Variants in TTC28 observed in about 807,000 individuals in gnomAD.
The protein encoded by TTC28 is tetratricopeptide repeat domain 28.
TTC28 carries 61 observed loss-of-function variants against 198.0 expected under a neutral mutation model. That is an observed-to-expected ratio of 0.31 (90% CI 0.25 to 0.38). TTC28 has a LOEUF of 0.38. Ranked by LOEUF, TTC28 falls within the 10% of genes least tolerant of loss-of-function variation. The pLI is 1.00. For synonymous variants in TTC28, 1,171 were observed against 1,297.8 expected, an observed-to-expected ratio of 0.90 and a Z score of 2.10; for missense variants, 2,678 against 3,164.0, an observed-to-expected ratio of 0.85 and a Z score of 3.69.
chr22:28,436,950 C>A (rs2047529218), intron 2 of TTC28, among the ~76,000 whole-genome samples: 1 of 152,224 alleles, frequency 6.6e-6, no homozygotes. Context: ...CAATACGCCA[C>A]AACACACTGA....
intron 2 of TTC28, among the ~76,000 whole-genome samples, chr22:28,343,529 C>CAAA (rs35941888): frequency 8.9e-5 from 12 of 134,804 alleles, no homozygotes; most frequent in Non-Finnish European, 1.4e-4. Flanking sequence ...GACTCTGTCT[C>CAAA]AAAAAAAAAA....
chr22:28,178,371 G>A lies in TTC28; in HGVS notation c.934-14772C>T, dbSNP rs574305346. On this transcript the variant is annotated intron_variant, in intron 5 of 22. Transcript: ENST00000397906. ...AATCCCAGCTACTCAGGAGGCTGAA[G>A]CAGAATAATCACTTGAATCTGGGAG... is the stretch of plus-strand genomic sequence containing the variant. Among the ~76,000 whole-genome samples, 5 of 152,066 alleles carry A rather than the reference G, an allele frequency of 3.3e-5. No homozygotes were observed. The South Asian group carries it at 1.0e-3, about 32-fold the overall frequency.
chr22:28,557,494 A>G (rs1335908629), intron 2 of TTC28, among the ~76,000 whole-genome samples: 1 of 152,210 alleles, frequency 6.6e-6, no homozygotes, highest in East Asian at 1.9e-4. Flanking sequence ...TCATGTACAG[A>G]CATTCTATTT....
chr22:28,056,044 AT>A (rs1940274588), intron 12 of TTC28: 1 of 152,110 alleles, frequency 6.6e-6, no homozygotes, highest in African/African-American at 2.4e-5. Flanking sequence ...TGTTTTATAT[AT>A]TTTCCCAAAA....
At chr22:28,589,666 T>C (rs1238468020) in intron 2 of TTC28, among the ~76,000 whole-genome samples, 1 of 152,180 alleles carries the variant, frequency 6.6e-6, no homozygotes. Flanking sequence ...TCACTCAAGA[T>C]TGTTATATGT....
chr22:28,357,255 T>C (rs1411591848), intron 2 of TTC28, among the ~76,000 whole-genome samples: 1 of 152,044 alleles, frequency 6.6e-6, no homozygotes, highest in Admixed American at 6.6e-5. Flanking sequence ...ATAGTGACCA[T>C]TTCTCTACAT....
At chr22:28,247,962 G>A (rs1288633176) in intron 5 of TTC28, among the ~76,000 whole-genome samples, 1 of 152,132 alleles carries the variant, frequency 6.6e-6, no homozygotes, top group Non-Finnish European at 1.5e-5. Flanking sequence ...CCTTTTAGAA[G>A]CAGCTAGTAA....
chr22:28,033,612 C>T (rs1291145612), intron 12 of TTC28, among the ~76,000 whole-genome samples: 1 of 152,220 alleles, frequency 6.6e-6, no homozygotes, highest in Non-Finnish European at 1.5e-5. Flanking sequence ...CTAGAGTTAA[C>T]AATTCTTTAT....
At chr22:28,317,236 C>T (rs1259005547) in intron 2 of TTC28, among the ~76,000 whole-genome samples, 1 of 151,982 alleles carries the variant, frequency 6.6e-6, no homozygotes, top group Non-Finnish European at 1.5e-5. Flanking sequence ...ATAATTTTAA[C>T]CTTTATGTCA....
At position 27,999,242 on chromosome 22, in the gene TTC28, G is replaced by A. The variant is rs1459964718; in HGVS notation, c.4417C>T (p.Pro1473Ser). 1.9e-6 allele frequency: 3 copies of A among 1,549,928 alleles called. No homozygotes were observed. In the African/African-American group the frequency reaches 4.1e-5, roughly 21 times the overall value. Residue 1473 changes from proline to serine, a missense_variant, in exon 16 of 23, where the codon CCG becomes TCG. Pro to Ser is a moderately conservative substitution (Grantham distance 74). Around this residue, in one of 8 missense-constraint regions of TTC28, gnomAD observed 727 missense variants for 861.9 expected, o/e 0.84. Coordinates refer to ENST00000397906, the MANE Select transcript of TTC28 (RefSeq NM_001145418.2). ...VQSKSHLRKN[P>S]PTYSSSTSMA... ...GATGTGGAGCTGGAGTATGTGGGCGGGTTCTTCCGTAAGTGAGACTAGGAG... is the reference window on the plus strand; with the variant it reads ...GATGTGGAGCTGGAGTATGTGGGCGAGTTCTTCCGTAAGTGAGACTAGGAG...
intron 1 of TTC28, among the ~76,000 whole-genome samples, chr22:28,641,816 T>A (rs2051370303): frequency 6.6e-6 from 1 of 152,046 alleles, no homozygotes. Flanking sequence ...AAAGAGTAAA[T>A]ATATGAGTAA....
chr22:28,425,470 A>G (rs2047336265), intron 2 of TTC28, among the ~76,000 whole-genome samples: 1 of 152,228 alleles, frequency 6.6e-6, no homozygotes, highest in African/African-American at 2.4e-5. Flanking sequence ...GGCAGAAACC[A>G]ATATAAACAA....
At chr22:28,675,581 A>G (rs2051969385) in intron 1 of TTC28, among the ~76,000 whole-genome samples, 1 of 150,590 alleles carries the variant, frequency 6.6e-6, no homozygotes, top group South Asian at 2.1e-4. Context: ...GCAAAACTCC[A>G]TCTCTACAGA....
At chr22:28,159,228 T>C (rs1039640949) in intron 6 of TTC28, among the ~76,000 whole-genome samples, 1 of 152,210 alleles carries the variant, frequency 6.6e-6, no homozygotes, top group African/African-American at 2.4e-5. Flanking sequence ...AAGTGGCTTA[T>C]ATCCAAAGGA....
intron 2 of TTC28, among the ~76,000 whole-genome samples, chr22:28,330,035 T>G (rs2045591047): frequency 6.6e-6 from 1 of 152,216 alleles, no homozygotes; most frequent in African/African-American, 2.4e-5. Flanking sequence ...ACAGTAGTCC[T>G]ACTGGTGATG....
At chr22:28,346,482 A>G (rs2045904198) in intron 2 of TTC28, among the ~76,000 whole-genome samples, 1 of 152,210 alleles carries the variant, frequency 6.6e-6, no homozygotes, top group Non-Finnish European at 1.5e-5. Flanking sequence ...AACTCTCACT[A>G]GAGTTTGGCA....
At chr22:28,338,021 T>A (rs2045761878) in intron 2 of TTC28, among the ~76,000 whole-genome samples, 9 of 152,146 alleles carry the variant, frequency 5.9e-5, no homozygotes, top group Admixed American at 5.9e-4. Context: ...CAGGAGCTCT[T>A]TTAGGGCAGG....
chr22:28,180,077 G>C (rs1451056899), intron 5 of TTC28, among the ~76,000 whole-genome samples: 1 of 151,968 alleles, frequency 6.6e-6, no homozygotes, highest in African/African-American at 2.4e-5. Context: ...CTGATTGCAG[G>C]GTTTTCATGG....
intron 2 of TTC28, among the ~76,000 whole-genome samples, chr22:28,334,392 G>C (rs1299894976): frequency 3.9e-5 from 6 of 152,138 alleles, no homozygotes; most frequent in Non-Finnish European, 7.3e-5. Flanking sequence ...GGGTCAAACG[G>C]TATTTCTAGT....
Sources: allele counts gnomAD v4.1 joint callset (sites outside exome capture counted in the v4.1 genomes callset), GRCh38; gene constraint gnomAD v4.1.1; regional missense constraint gnomAD v4.1.1; transcripts MANE v1.5; gene names NCBI Gene and HGNC (gene_info 2026-07-23, HGNC 2026-07-21).